TNIP1: variants seen among roughly 807,000 people sequenced by gnomAD.
TNIP1 encodes TNFAIP3-interacting protein 1.
Under a neutral mutation model 86.6 loss-of-function variants are expected in TNIP1, and 22 were observed. The ratio of observed to expected loss-of-function variants is 0.25; its 90% CI spans 0.18 to 0.36. The LOEUF is 0.36. Among genes scored for constraint, TNIP1 ranks in the 10% least tolerant of loss-of-function variants. TNIP1 has a pLI of 1.00. For missense variants in TNIP1, 709 were observed against 820.6 expected (o/e 0.86, Z 1.66); for synonymous variants, 294 against 313.0 (o/e 0.94, Z 0.64).
upstream of TNIP1, among the ~76,000 whole-genome samples, chr5:151,084,035 G>C (rs1208802775): frequency 1.3e-5 from 2 of 152,194 alleles, no homozygotes; most frequent in African/African-American, 4.8e-5. Context: ...CAAGTAACCG[G>C]AGCTTGAAGA....
At chr5:151,036,225 T>C (rs1050631837) in intron 13 of TNIP1, among the ~76,000 whole-genome samples, 3 of 152,180 alleles carry the variant, frequency 2.0e-5, no homozygotes, top group Non-Finnish European at 2.9e-5. Context: ...GAGGATTAAA[T>C]AGCACAGAGA....
chr5:151,060,331 T>A lies in TNIP1; in HGVS notation c.422A>T (p.His141Leu). Residue 141 changes from histidine (H) to leucine (L), a missense_variant, in exon 5 of 18, where the codon CAT becomes CTT. Coordinates refer to ENST00000521591, the MANE Select transcript of TNIP1 (RefSeq NM_006058.5). ...EEQNSPESSS[H>L]ANAMALGPLP... ...CCGTCCACTCACCATCGCATTGGCATGGCTGCTGCTCTCTGGTGAATTCTG... is the reference window on the plus strand; with the variant it reads ...CCGTCCACTCACCATCGCATTGGCAAGGCTGCTGCTCTCTGGTGAATTCTG... The A allele has an allele frequency of 6.2e-7, 1 of 1,614,132 alleles. No individual in the cohort carries two copies. The highest frequency in any genetic ancestry group is 2.2e-5 in the East Asian group (1 of 44,880).
At chr5:151,059,753 C>A (rs980932211) in intron 5 of TNIP1, among the ~76,000 whole-genome samples, 2 of 136,802 alleles carry the variant, frequency 1.5e-5, no homozygotes, top group Admixed American at 1.6e-4. Flanking sequence ...GGATGCTGGG[C>A]AGACGCTCCA....
chr5:151,042,985 C>T, intron 9 of TNIP1, 24 bp from the exon 10 acceptor site: 1 of 1,613,414 alleles, frequency 6.2e-7, no homozygotes, highest in African/African-American at 1.3e-5. Context: ...CTGGAGTTAG[C>T]AGGAGATGAG....
In TNIP1 at chr5:151,049,841, C is replaced by G; in HGVS notation, c.829G>C (p.Val277Leu). Reference protein sequence around the residue: ...PKMEGTGKKAVAGQQQASVTA... With the variant: ...PKMEGTGKKALAGQQQASVTA... ...CCACATACCTGCTGCTGTCCAGCCA[C>G]TGCCTTCTTGCCTGTCCCTTCCATC... The change falls in exon 8 of 18, where the codon GTG (valine) becomes CTG (leucine). Residue 277 changes from valine to leucine, a missense_variant. Coordinates refer to ENST00000521591, the MANE Select transcript of TNIP1 (RefSeq NM_006058.5). The G allele has an allele frequency of 6.2e-7, 1 of 1,614,226 alleles. No homozygotes were observed. The highest frequency in any genetic ancestry group is 1.1e-5 in the South Asian group (1 of 91,086).
chr5:151,082,623 C>T (rs1399961874), upstream of TNIP1, among the ~76,000 whole-genome samples: 2 of 151,454 alleles, frequency 1.3e-5, no homozygotes, highest in African/African-American at 2.4e-5. Flanking sequence ...TCTCTAATTA[C>T]TTGCATTTTG....
chr5:151,062,667 C>T (rs372898134), intron 3 of TNIP1, among the ~76,000 whole-genome samples: 16 of 152,300 alleles, frequency 1.1e-4, no homozygotes, highest in African/African-American at 3.4e-4. Flanking sequence ...CTTGGCCCTC[C>T]CTCCCTGACT....
At chr5:151,085,859 C>T (rs570410253), upstream of TNIP1, among the ~76,000 whole-genome samples, 14 of 152,330 alleles carry the variant, frequency 9.2e-5, no homozygotes, top group East Asian at 9.6e-4. Flanking sequence ...TTCCTAATCC[C>T]GGGAAGCCCT....
chr5:151,084,927 T>C (rs1764222258), upstream of TNIP1, among the ~76,000 whole-genome samples: 1 of 152,242 alleles, frequency 6.6e-6, no homozygotes, highest in African/African-American at 2.4e-5. Flanking sequence ...AAAATTGTTC[T>C]AGGCAATTGT....
chr5:151,077,187 C>T, intron 1 of TNIP1, among the ~76,000 whole-genome samples: 1 of 152,172 alleles, frequency 6.6e-6, no homozygotes, highest in East Asian at 1.9e-4. Context: ...GTGTATTAGC[C>T]AAACTGGCCC....
chr5:151,049,895 C>A lies in TNIP1; in HGVS notation c.775G>T (p.Gly259Cys). The change falls in exon 8 of 18, where the codon GGT (glycine) becomes TGT (cysteine). Residue 259 changes from glycine (G) to cysteine (C), a missense_variant. Coordinates refer to ENST00000521591, the MANE Select transcript of TNIP1 (RefSeq NM_006058.5). The stretch of plus-strand genomic sequence containing the variant: ...GGTGAGCCTGGCCGCCCAGACGCAC[C>A]CTCTTTGTTGCCATTGCTCATCAAC... Reference protein sequence around the residue: ...KLLMSNGNKEGASGRPGSPKM... With the variant: ...KLLMSNGNKECASGRPGSPKM... 6.2e-7 allele frequency: 1 copy of A among 1,614,150 alleles called. No homozygotes were observed. Among genetic ancestry groups the A allele is most frequent in the East Asian group, 2.2e-5 (1 of 44,888 alleles).
intron 2 of TNIP1, among the ~76,000 whole-genome samples, chr5:151,063,964 G>A (rs1415818418): frequency 6.6e-6 from 1 of 152,124 alleles, no homozygotes; most frequent in East Asian, 1.9e-4. Context: ...AGCAATCGGG[G>A]GACACAGGAG....
intron 15 of TNIP1, 26 bp downstream of exon 15, chr5:151,034,976 C>T (rs778248906): frequency 6.2e-7 from 1 of 1,613,376 alleles, no homozygotes; most frequent in East Asian, 2.2e-5. Flanking sequence ...GATGTCAGTG[C>T]TGCTACCTCC....
At position 151,035,657 on chromosome 5, in the gene TNIP1, G is replaced by A; in HGVS notation, c.1446C>T (p.Arg482=). The change falls in exon 14 of 18, where the codon CGC becomes CGT. Residue 482 remains arginine (R), a synonymous_variant. Coordinates refer to ENST00000521591, the MANE Select transcript of TNIP1 (RefSeq NM_006058.5). ...DFQRERSDRE[R]MNEEKEELKK... is the part of the protein sequence containing the mutation. ...TCAGCTCTTCCTTCTCCTCATTCAT[G>A]CGCTCACGATCACTGCGCTCCCTCT... 1 of 1,614,160 alleles carries A rather than the reference G, an allele frequency of 6.2e-7. No homozygotes were observed. Among genetic ancestry groups the A allele is most frequent in the Non-Finnish European group, 8.5e-7 (1 of 1,180,044 alleles).
At chr5:151,066,411 C>T (rs1220521999) in intron 1 of TNIP1, among the ~76,000 whole-genome samples, 1 of 152,166 alleles carries the variant, frequency 6.6e-6, no homozygotes, top group Non-Finnish European at 1.5e-5. Context: ...GGGCTCGGCA[C>T]CTTCCTCCCA....
intron 17 of TNIP1, among the ~76,000 whole-genome samples, chr5:151,031,738 G>C (rs959455446): frequency 6.6e-6 from 1 of 151,970 alleles, no homozygotes; most frequent in East Asian, 1.9e-4. Flanking sequence ...TCTTCCCTCC[G>C]ATCCTCAAAT....
intron 3 of TNIP1, among the ~76,000 whole-genome samples, chr5:151,063,254 G>A (rs541738863): frequency 2.0e-5 from 3 of 152,328 alleles, no homozygotes; most frequent in South Asian, 2.1e-4. Flanking sequence ...GTGACAGGGA[G>A]TAGCTGCTTG....
chr5:151,038,501 C>T (rs1757995309), intron 12 of TNIP1, among the ~76,000 whole-genome samples: 1 of 152,188 alleles, frequency 6.6e-6, no homozygotes, highest in Non-Finnish European at 1.5e-5. Context: ...CCGCTTGGCT[C>T]AGACCAGAGG....
chr5:151,052,154 C>T lies in TNIP1; in HGVS notation c.722+11G>A, dbSNP rs751299886. 1.9e-6 allele frequency: 3 copies of T among 1,613,364 alleles called. No homozygotes were observed. Among genetic ancestry groups the T allele is most frequent in the Admixed American group, 3.3e-5 (2 of 59,990 alleles). On this transcript the variant is annotated intron_variant, in intron 7 of 17. Transcript: ENST00000521591. ...CACTCCTCACCCCTTCTCTGAGGGG[C>T]CTGAACTTACCGCAGCCTCTCGGCA... is the stretch of plus-strand genomic sequence containing the variant.
Sources: gnomAD v4.1 joint callset for allele counts (sites outside exome capture counted in the v4.1 genomes callset) on GRCh38, gnomAD v4.1.1 for gene constraint, MANE v1.5 for transcripts, NCBI Gene and HGNC (gene_info 2026-07-23, HGNC 2026-07-21) for gene names.